The following KCNIP4 variants were observed in gnomAD, a reference collection of about 807,000 sequenced individuals.
The protein encoded by KCNIP4 is Kv channel-interacting protein 4.
KCNIP4 carries 12 observed loss-of-function variants against 34.0 expected under a neutral mutation model. That is an observed-to-expected ratio of 0.35 (90% CI 0.23 to 0.57). KCNIP4 has a LOEUF of 0.57. Ranked by LOEUF, KCNIP4 falls within the 20% of genes least tolerant of loss-of-function variation. The pLI, the probability that KCNIP4 is intolerant of heterozygous loss-of-function variation, is 0.83. For missense variants in KCNIP4, 238 were observed against 311.7 expected (o/e 0.76, Z 1.78); for synonymous variants, 124 against 102.2 (o/e 1.21, Z -1.29).
chr4:21,210,913 C>T (rs1006177362), intron 1 of KCNIP4, among the ~76,000 whole-genome samples: 3 of 152,084 alleles, frequency 2.0e-5, no homozygotes, highest in Admixed American at 6.5e-5. Flanking sequence ...AACACTGAAA[C>T]TGATGATGCC....
intron 1 of KCNIP4, among the ~76,000 whole-genome samples, chr4:21,945,017 T>C (rs1730426083): frequency 6.6e-6 from 1 of 152,086 alleles, no homozygotes; most frequent in African/African-American, 2.4e-5. Context: ...CTACTTGAAA[T>C]AGTCGCTAAG....
intron 1 of KCNIP4, among the ~76,000 whole-genome samples, chr4:21,670,898 C>T (rs1049852313): frequency 6.6e-5 from 10 of 151,784 alleles, no homozygotes; most frequent in Admixed American, 1.3e-4. Flanking sequence ...CCTCGTGATC[C>T]GCCCGCCTCG....
intron 1 of KCNIP4, among the ~76,000 whole-genome samples, chr4:21,049,175 C>T (rs182669299): frequency 0.082 from 12,367 of 151,380 alleles, 566 homozygotes; most frequent in Middle Eastern, 0.14. Flanking sequence ...TGGTCTCGAT[C>T]TCCTGACCTC....
chr4:21,074,140 T>C (rs965632572), intron 1 of KCNIP4, among the ~76,000 whole-genome samples: 28 of 152,220 alleles, frequency 1.8e-4, no homozygotes, highest in African/African-American at 6.5e-4. Flanking sequence ...ATCAGGATGA[T>C]GCTGGCCTCA....
chr4:21,247,627 A>ACCACAGG (rs1180650699), intron 1 of KCNIP4, among the ~76,000 whole-genome samples: 61 of 143,812 alleles, frequency 4.2e-4, no homozygotes, highest in Admixed American at 7.9e-4. Context: ...ATATCTATAT[A>ACCACAGG]TTTAGATATA....
chr4:21,385,192 T>C (rs909512586), intron 1 of KCNIP4, among the ~76,000 whole-genome samples: 2 of 152,098 alleles, frequency 1.3e-5, no homozygotes, highest in Admixed American at 1.3e-4. Context: ...TTGCTTAAAA[T>C]TGGAGTGAGA....
At chr4:21,505,534 C>T (rs575913421) in intron 1 of KCNIP4, among the ~76,000 whole-genome samples, 1 of 152,286 alleles carries the variant, frequency 6.6e-6, no homozygotes, top group African/African-American at 2.4e-5. Context: ...TCTGGCTTCC[C>T]TCTCTTTTCT....
At chr4:21,589,192 A>G (rs549825913) in intron 1 of KCNIP4, among the ~76,000 whole-genome samples, 36 of 62,740 alleles carry the variant, frequency 5.7e-4, no homozygotes, top group African/African-American at 1.6e-3. Context: ...ATATATATAT[A>G]TATATATATG....
chr4:21,411,268 G>A (rs923385566), intron 1 of KCNIP4, among the ~76,000 whole-genome samples: 18 of 152,096 alleles, frequency 1.2e-4, no homozygotes, highest in Non-Finnish European at 1.9e-4. Context: ...TTTCTTGGGA[G>A]GGGTTTGTTG....
chr4:21,076,314 A>C (rs28402702), intron 1 of KCNIP4, among the ~76,000 whole-genome samples: 3,551 of 152,124 alleles, frequency 0.023, 127 homozygotes, highest in African/African-American at 0.08. Flanking sequence ...CTCCCACATG[A>C]ATATTCTCTG....
chr4:21,617,209 G>C (rs1166671130), intron 1 of KCNIP4, among the ~76,000 whole-genome samples: 1 of 152,024 alleles, frequency 6.6e-6, no homozygotes, highest in African/African-American at 2.4e-5. Flanking sequence ...ACAAAATAGA[G>C]TAATTTCTAA....
chr4:21,467,241 A>G (rs749158411), intron 1 of KCNIP4, among the ~76,000 whole-genome samples: 1 of 152,182 alleles, frequency 6.6e-6, no homozygotes, highest in Non-Finnish European at 1.5e-5. Context: ...GGTACATGGT[A>G]GGCATTGAAG....
At chr4:21,120,092 A>G (rs909573531) in intron 1 of KCNIP4, among the ~76,000 whole-genome samples, 9 of 152,170 alleles carry the variant, frequency 5.9e-5, no homozygotes, top group African/African-American at 1.4e-4. Context: ...CATCAGGTCA[A>G]CGTGGGGGAG....
At chr4:21,905,130 A>C (rs1327459748) in intron 1 of KCNIP4, among the ~76,000 whole-genome samples, 1 of 152,172 alleles carries the variant, frequency 6.6e-6, no homozygotes, top group Admixed American at 6.5e-5. Context: ...ACCAAAAATA[A>C]AATGATTAGA....
At chr4:21,844,586 C>G (rs1303705068) in intron 1 of KCNIP4, 1 of 152,012 alleles carries the variant, frequency 6.6e-6, no homozygotes, top group South Asian at 2.1e-4. Context: ...TGCTAGCTGA[C>G]CTTCATTTTT....
chr4:21,878,101 G>T (rs1360916201), intron 1 of KCNIP4, among the ~76,000 whole-genome samples: 1 of 152,176 alleles, frequency 6.6e-6, no homozygotes, highest in Non-Finnish European at 1.5e-5. Flanking sequence ...AGGCTGGAGT[G>T]CAGTGGCACA....
intron 1 of KCNIP4, among the ~76,000 whole-genome samples, chr4:21,448,849 C>A (rs569763934): frequency 2.0e-5 from 3 of 152,242 alleles, no homozygotes; most frequent in Non-Finnish European, 4.4e-5. Flanking sequence ...GATGTAAATC[C>A]TCCTGACATA....
At chr4:21,279,099 T>C (rs532447180) in intron 1 of KCNIP4, among the ~76,000 whole-genome samples, 2 of 152,286 alleles carry the variant, frequency 1.3e-5, no homozygotes, top group East Asian at 1.9e-4. Context: ...AGAACAGATG[T>C]ATTATGAAAG....
At chr4:20,958,153 A>T (rs1434945) in intron 1 of KCNIP4, among the ~76,000 whole-genome samples, 7 of 152,162 alleles carry the variant, frequency 4.6e-5, no homozygotes, top group East Asian at 1.9e-4. Flanking sequence ...AGTTTCTTAT[A>T]GGAAGTGTTA....
Sources: gnomAD v4.1 joint callset for allele counts (sites outside exome capture counted in the v4.1 genomes callset) on GRCh38, gnomAD v4.1.1 for gene constraint, MANE v1.5 for transcripts, NCBI Gene and HGNC (gene_info 2026-07-23, HGNC 2026-07-21) for gene names.